Variants in KLRG1 observed in about 807,000 individuals in gnomAD.
The protein encoded by KLRG1 is killer cell lectin-like receptor subfamily G member 1.
KLRG1 carries 16 observed loss-of-function variants against 21.8 expected under a neutral mutation model. The ratio of observed to expected loss-of-function variants is 0.73; its 90% confidence interval spans 0.50 to 1.11. The LOEUF (loss-of-function observed/expected upper bound fraction) is 1.11. KLRG1 is among the 50% of genes most tolerant of loss of function. KLRG1 has a pLI of 0.00. For synonymous variants in KLRG1, 69 were observed against 75.9 expected, an observed-to-expected ratio of 0.91 and a Z score of 0.47; for missense variants, 173 against 218.3, an observed-to-expected ratio of 0.79 and a Z score of 1.31.
the KLRG1 span, chr12:9,090,588 C>T: frequency 2.5e-6 from 3 of 1,193,982 alleles, no homozygotes; most frequent in South Asian, 1.5e-5. Context: ...GGTTGCCTCA[C>T]ATTAAAGATG....
intron 1 of KLRG1, among the ~76,000 whole-genome samples, chr12:8,973,325 T>G (rs1946602970): frequency 6.6e-6 from 1 of 152,126 alleles, no homozygotes; most frequent in Non-Finnish European, 1.5e-5. Flanking sequence ...ATGTGGGACC[T>G]TTAGGAGGTG....
At chr12:9,089,556 C>T in the KLRG1 span, among the ~76,000 whole-genome samples, 142 of 152,200 alleles carry the variant, frequency 9.3e-4, no homozygotes, top group African/African-American at 3.3e-3. Flanking sequence ...GCCTGGCCAA[C>T]GTGGTGAAAT....
At chr12:9,073,541 AC>A in the KLRG1 span, among the ~76,000 whole-genome samples, 1 of 152,244 alleles carries the variant, frequency 6.6e-6, no homozygotes, top group Non-Finnish European at 1.5e-5. Context: ...ATAACCTTTA[AC>A]AAAATTACTT....
the KLRG1 span, among the ~76,000 whole-genome samples, chr12:9,097,542 T>C: frequency 6.6e-6 from 1 of 152,140 alleles, no homozygotes. Flanking sequence ...TAGTTCAATT[T>C]CCCTAAGTTT....
At chr12:9,121,173 A>G in the KLRG1 span, among the ~76,000 whole-genome samples, 2 of 152,152 alleles carry the variant, frequency 1.3e-5, no homozygotes, top group African/African-American at 4.8e-5. This position sits in a 1 kb window ranked among gnomAD's most constrained non-coding sequence, Gnocchi z 4.4. Context: ...GGCATGAACC[A>G]TCATACCCGG....
chr12:9,172,286 G>T, the KLRG1 span, among the ~76,000 whole-genome samples: 3 of 152,128 alleles, frequency 2.0e-5, no homozygotes, highest in Admixed American at 2.0e-4. Flanking sequence ...TCAAACAAGT[G>T]AATGGTTAGG....
At chr12:9,156,135 T>G in the KLRG1 span, 1 of 219,884 alleles carries the variant, frequency 4.5e-6, no homozygotes. Flanking sequence ...GTTCTTTAAG[T>G]TTGTCTTTGA....
At chr12:9,172,619 T>A in the KLRG1 span, among the ~76,000 whole-genome samples, 9 of 151,868 alleles carry the variant, frequency 5.9e-5, no homozygotes, top group Non-Finnish European at 1.3e-4. Context: ...AGACACAGGC[T>A]CAAAATAAAG....
intron 3 of KLRG1, among the ~76,000 whole-genome samples, chr12:8,999,668 T>A (rs918746953): frequency 6.6e-6 from 1 of 152,216 alleles, no homozygotes; most frequent in African/African-American, 2.4e-5. Flanking sequence ...ACTATATTTC[T>A]TACTAGCTAT....
At chr12:9,208,237 A>G in the KLRG1 span, 1 of 1,592,198 alleles carries the variant, frequency 6.3e-7, no homozygotes, top group South Asian at 1.1e-5. Context: ...CTCTGGAGGA[A>G]GGGGTCTTGA....
the KLRG1 span, chr12:9,153,388 G>A: frequency 6.5e-6 from 10 of 1,539,476 alleles, no homozygotes; most frequent in African/African-American, 4.1e-5. Flanking sequence ...TAAATTTTTG[G>A]CATCTGGGAT....
the KLRG1 span, among the ~76,000 whole-genome samples, chr12:9,105,982 G>A: frequency 1.3e-5 from 2 of 152,060 alleles, no homozygotes; most frequent in Non-Finnish European, 2.9e-5. Context: ...CAAAAGAAGG[G>A]GGGAAAACTC....
At chr12:9,076,969 A>G in the KLRG1 span, 3 of 1,520,322 alleles carry the variant, frequency 2.0e-6, no homozygotes, top group African/African-American at 1.4e-5. Context: ...GAACTAAGCT[A>G]TGTAAACAGG....
the KLRG1 span, among the ~76,000 whole-genome samples, chr12:9,096,560 T>TA: frequency 6.6e-6 from 1 of 152,246 alleles, no homozygotes; most frequent in African/African-American, 2.4e-5. Context: ...ATATAATACA[T>TA]ACAACTTTAA....
At chr12:9,213,553 G>A in the KLRG1 span, among the ~76,000 whole-genome samples, 1 of 151,848 alleles carries the variant, frequency 6.6e-6, no homozygotes, top group African/African-American at 2.4e-5. Flanking sequence ...ATCTCTTTAT[G>A]GTTTTAATTT....
At chr12:9,077,089 G>T in the KLRG1 span, among the ~76,000 whole-genome samples, 217 of 152,296 alleles carry the variant, frequency 1.4e-3, 1 homozygote, top group African/African-American at 4.8e-3. Context: ...ATTTTTATCT[G>T]TTATTCTCAC....
At chr12:9,041,726 C>T in the KLRG1 span, among the ~76,000 whole-genome samples, 1 of 152,214 alleles carries the variant, frequency 6.6e-6, no homozygotes, top group African/African-American at 2.4e-5. Context: ...GTTATCCCAG[C>T]ATCCTAATCA....
At chr12:9,079,618 C>G in the KLRG1 span, 12 of 1,603,570 alleles carry the variant, frequency 7.5e-6, no homozygotes, top group African/African-American at 1.5e-4. Flanking sequence ...CAAGTTTTCC[C>G]TTACTCAAGT....
the KLRG1 span, chr12:9,106,644 T>A: frequency 9.4e-7 from 1 of 1,067,636 alleles, no homozygotes; most frequent in African/African-American, 1.6e-5. Flanking sequence ...ATATAATGCA[T>A]ATTATACTAA....
Sources: allele counts gnomAD v4.1 joint callset (sites outside exome capture counted in the v4.1 genomes callset), GRCh38; gene constraint gnomAD v4.1.1; non-coding constraint Gnocchi (gnomAD v3.1); transcripts MANE v1.5; gene names NCBI Gene and HGNC (gene_info 2026-07-23, HGNC 2026-07-21).